The following PPARGC1A variants were observed in gnomAD, a reference collection of about 807,000 sequenced individuals.
PPARGC1A encodes the protein PPARG coactivator 1 alpha.
In PPARGC1A, 25 loss-of-function variants were observed where a neutral mutation model predicts 88.7. That is an observed-to-expected ratio of 0.28 (90% confidence interval 0.21 to 0.39). The LOEUF is 0.39. PPARGC1A is among the 10% of genes least tolerant of loss of function. PPARGC1A has a pLI of 1.00. For missense variants in PPARGC1A, 880 were observed against 968.7 expected (o/e 0.91, Z 1.22); for synonymous variants, 363 against 355.6 (o/e 1.02, Z -0.24).
At chr4:24,286,746 G>A in the PPARGC1A span, among the ~76,000 whole-genome samples, 1 of 152,264 alleles carries the variant, frequency 6.6e-6, no homozygotes, top group Non-Finnish European at 1.5e-5. Context: ...GCTTAAAATA[G>A]CAAACATTAT....
chr4:24,459,798 A>G, the PPARGC1A span, among the ~76,000 whole-genome samples: 33 of 152,352 alleles, frequency 2.2e-4, no homozygotes, highest in African/African-American at 7.2e-4. Flanking sequence ...CTAAAAATAA[A>G]CAAACAACAA....
the PPARGC1A span, among the ~76,000 whole-genome samples, chr4:24,050,184 C>T: frequency 7.2e-6 from 1 of 138,728 alleles, no homozygotes; most frequent in Non-Finnish European, 1.5e-5. Flanking sequence ...TATTTAGTCC[C>T]TTAGGTGACC....
the PPARGC1A span, among the ~76,000 whole-genome samples, chr4:24,396,977 G>C: frequency 2.3e-3 from 354 of 152,192 alleles, no homozygotes; most frequent in Non-Finnish European, 4.2e-3. Flanking sequence ...CAATTTTTCT[G>C]CTTTACAATT....
the PPARGC1A span, among the ~76,000 whole-genome samples, chr4:24,424,250 T>TAC: frequency 1.3e-3 from 167 of 132,556 alleles, 1 homozygote; most frequent in East Asian, 0.035. Flanking sequence ...AGCAATGCTA[T>TAC]ACACACACTT....
the PPARGC1A span, among the ~76,000 whole-genome samples, chr4:24,093,230 C>T: frequency 8.5e-5 from 13 of 152,300 alleles, no homozygotes; most frequent in East Asian, 5.8e-4. Context: ...CAATGCTACT[C>T]GATACTCTTT....
At chr4:24,218,589 A>C in the PPARGC1A span, among the ~76,000 whole-genome samples, 1 of 152,244 alleles carries the variant, frequency 6.6e-6, no homozygotes, top group Admixed American at 6.5e-5. Context: ...AATGTTGCTT[A>C]AACATTTATT....
chr4:24,137,168 C>G, the PPARGC1A span, among the ~76,000 whole-genome samples: 9 of 151,410 alleles, frequency 5.9e-5, no homozygotes, highest in Non-Finnish European at 1.3e-4. Context: ...TGGGTAGGCT[C>G]TAATGTCATA....
chr4:23,795,163 T>A lies in PPARGC1A; in HGVS notation c.*659A>T, dbSNP rs997633912. ...GTTATGAGAGAAAGCTTGCTTCAAGTTGATTCTGCACTTTCTTAAAAAAAC... is the reference window on the plus strand; with the variant it reads ...GTTATGAGAGAAAGCTTGCTTCAAGATGATTCTGCACTTTCTTAAAAAAAC... On this transcript the variant is annotated 3_prime_UTR_variant, in exon 13 of 13. Coordinates refer to ENST00000264867, the MANE Select transcript of PPARGC1A (RefSeq NM_013261.5). The A allele has an allele frequency of 1.3e-5, 2 of 151,774 alleles. No homozygotes were observed. Among genetic ancestry groups the A allele is most frequent in the Non-Finnish European group, 2.9e-5 (2 of 67,860 alleles). The allele number at this position is 151,774 out of a possible 1,614,324, so 9.4% of individuals were successfully genotyped here. A position where few individuals can be genotyped will look rare whatever the true frequency, so the allele number is the denominator to read the frequency against.
At chr4:24,421,097 T>C in the PPARGC1A span, among the ~76,000 whole-genome samples, 1,989 of 152,170 alleles carry the variant, frequency 0.013, 44 homozygotes, top group African/African-American at 0.044. Context: ...TTTCAACATA[T>C]ACATTTTGGA....
chr4:24,358,777 T>A, the PPARGC1A span, among the ~76,000 whole-genome samples: 3 of 152,222 alleles, frequency 2.0e-5, no homozygotes, highest in African/African-American at 7.2e-5. Flanking sequence ...GCCAGATCAC[T>A]GCATAATGTG....
the PPARGC1A span, among the ~76,000 whole-genome samples, chr4:24,076,521 A>G: frequency 1.3e-5 from 2 of 152,296 alleles, no homozygotes; most frequent in Admixed American, 1.3e-4. Context: ...GTCATTCAAC[A>G]TGGAGATGTG....
the PPARGC1A span, among the ~76,000 whole-genome samples, chr4:24,285,853 G>A: frequency 1.1e-3 from 167 of 152,216 alleles, no homozygotes; most frequent in Non-Finnish European, 1.9e-3. Flanking sequence ...ATAAAAATAT[G>A]TGATTTCGTT....
the PPARGC1A span, among the ~76,000 whole-genome samples, chr4:23,980,399 AG>A: frequency 1.3e-5 from 2 of 152,176 alleles, no homozygotes; most frequent in Admixed American, 1.3e-4. Flanking sequence ...GCTTTCCCCT[AG>A]AAGGAGCTCA....
At chr4:24,270,313 CTCT>C in the PPARGC1A span, among the ~76,000 whole-genome samples, 1 of 4,162 alleles carries the variant, frequency 2.4e-4, no homozygotes. Flanking sequence ...CAACCTCTCT[CTCT>C]CTCTCTCTCT....
At chr4:24,308,052 G>A in the PPARGC1A span, among the ~76,000 whole-genome samples, 2 of 152,106 alleles carry the variant, frequency 1.3e-5, no homozygotes, top group African/African-American at 4.8e-5. Context: ...AGAACTTTGA[G>A]AGGCCAAGGC....
the PPARGC1A span, among the ~76,000 whole-genome samples, chr4:24,151,248 T>C: frequency 6.6e-6 from 1 of 152,136 alleles, no homozygotes; most frequent in Non-Finnish European, 1.5e-5. Flanking sequence ...CAACAGAAAT[T>C]TATTTATCAC....
chr4:23,864,258 C>T (rs1304898270), intron 2 of PPARGC1A, among the ~76,000 whole-genome samples: 6 of 152,140 alleles, frequency 3.9e-5, no homozygotes, highest in Non-Finnish European at 7.3e-5. Flanking sequence ...GGGCTTTGTC[C>T]ACATTTTACT....
the PPARGC1A span, among the ~76,000 whole-genome samples, chr4:24,297,290 C>T: frequency 1.3e-5 from 2 of 152,072 alleles, no homozygotes; most frequent in Admixed American, 6.6e-5. Context: ...TACGTAGTAG[C>T]GCTAGAAGAT....
the PPARGC1A span, among the ~76,000 whole-genome samples, chr4:24,212,251 G>C: frequency 3.9e-5 from 6 of 152,296 alleles, no homozygotes; most frequent in East Asian, 1.2e-3. Context: ...ATGCAGCTTT[G>C]ATATCTGCAC....
Sources: gnomAD v4.1 joint callset for allele counts (sites outside exome capture counted in the v4.1 genomes callset) on GRCh38, gnomAD v4.1.1 for gene constraint, MANE v1.5 for transcripts, NCBI Gene and HGNC (gene_info 2026-07-23, HGNC 2026-07-21) for gene names.